GRIK2: variants seen among roughly 807,000 people sequenced by gnomAD.
The protein encoded by GRIK2 is glutamate ionotropic receptor kainate type subunit 2.
A neutral mutation model predicts 100.3 loss-of-function variants in GRIK2; 32 were observed. That is an observed-to-expected ratio of 0.32 (90% CI 0.24 to 0.43). The LOEUF (loss-of-function observed/expected upper bound fraction) is 0.43, where lower values mean the gene tolerates loss of function less well. Among genes scored for constraint, GRIK2 ranks in the 20% least tolerant of loss-of-function variants. The pLI, the probability that GRIK2 is intolerant of heterozygous loss-of-function variation, is 1.00. For missense variants in GRIK2, 843 were observed against 1,114.9 expected (o/e 0.76, Z 3.47); for synonymous variants, 417 against 389.4 (o/e 1.07, Z -0.83).
At chr6:101,701,693 T>G (rs1268553387) in intron 7 of GRIK2, among the ~76,000 whole-genome samples, 1 of 152,094 alleles carries the variant, frequency 6.6e-6, no homozygotes, top group Non-Finnish European at 1.5e-5. Context: ...TTATTTTAAC[T>G]AAAATTTGAA....
In GRIK2 at chr6:101,875,022, A is replaced by G. The variant is rs138359161; in HGVS notation, c.1525-14618A>G. 1.4e-3 allele frequency among the ~76,000 whole-genome samples: 217 copies of G among 152,284 alleles called. 1 individual carries two copies. Among genetic ancestry groups the G allele is most frequent in the African/African-American group, 5.0e-3 (207 of 41,576 alleles). On this transcript the variant is annotated intron_variant, in intron 11 of 16. Transcript: ENST00000369134. ...GCTGAGATGATGGGGTTTTCTAGAT[A>G]TACAATCATGTCACTGCAAACAGGG...
At chr6:101,923,865 G>A (rs1056536729) in intron 12 of GRIK2, among the ~76,000 whole-genome samples, 6 of 147,744 alleles carry the variant, frequency 4.1e-5, no homozygotes, top group African/African-American at 1.5e-4. Context: ...AGGTTGCAGT[G>A]AGCCGAGATT....
At chr6:101,875,334 G>T (rs982224927) in intron 11 of GRIK2, among the ~76,000 whole-genome samples, 1 of 151,772 alleles carries the variant, frequency 6.6e-6, no homozygotes, top group South Asian at 2.1e-4. Flanking sequence ...TATCTTGGGG[G>T]TATTTCTTTT....
rs951882102 is a variant in GRIK2 at position 101,752,103 on chromosome 6, T to C, written c.952-47545T>C. On this transcript the variant is annotated intron_variant, in intron 7 of 16. Transcript: ENST00000369134. The stretch of plus-strand genomic sequence containing the variant: ...CTTTATTTACCACTTTTCAAAATGA[T>C]AAATTGGTTCTTTATCATCTTACAA... Among the ~76,000 whole-genome samples, 5 of 152,224 alleles carry C rather than the reference T, an allele frequency of 3.3e-5. No homozygotes were observed. In the South Asian group the frequency reaches 6.2e-4, roughly 19 times the overall value.
At chr6:101,447,762 G>GA (rs955728098) in intron 2 of GRIK2, among the ~76,000 whole-genome samples, 8 of 151,718 alleles carry the variant, frequency 5.3e-5, no homozygotes, top group Non-Finnish European at 8.9e-5. Flanking sequence ...CATATTGTTA[G>GA]AAAATCCTTC....
intron 14 of GRIK2, among the ~76,000 whole-genome samples, chr6:101,953,973 AG>A (rs1425525882): frequency 2.0e-5 from 3 of 152,082 alleles, no homozygotes; most frequent in African/African-American, 7.2e-5. Context: ...CTTTGTATGT[AG>A]ATATCAAAGT....
chr6:102,035,035 G>A (rs931456699), intron 14 of GRIK2, among the ~76,000 whole-genome samples: 6 of 151,056 alleles, frequency 4.0e-5, no homozygotes, highest in Non-Finnish European at 7.4e-5. Context: ...TAAATCATTT[G>A]TTTTCTGTTG....
At chr6:101,847,190 CT>C (rs1783862920) in intron 10 of GRIK2, among the ~76,000 whole-genome samples, 1 of 151,910 alleles carries the variant, frequency 6.6e-6, no homozygotes, top group Non-Finnish European at 1.5e-5. Context: ...TTAATATGTT[CT>C]GCTTTTGTTT....
chr6:101,626,258 T>C (rs1780432937), intron 3 of GRIK2, 122 bp from the exon 4 acceptor site: 15 of 926,334 alleles, frequency 1.6e-5, no homozygotes, highest in Non-Finnish European at 2.4e-5. Context: ...TAGATATATA[T>C]TTTTTAAAAA....
At chr6:102,023,332 AAAGGG>A (rs1769527659) in intron 14 of GRIK2, among the ~76,000 whole-genome samples, 1 of 151,432 alleles carries the variant, frequency 6.6e-6, no homozygotes, top group African/African-American at 2.4e-5. Flanking sequence ...TTGTCAGTAA[AAAGGG>A]AGGGGTAAAA....
rs1455426267 is a variant in GRIK2, at chr6:101,399,184, G to C, written c.-94G>C. On this transcript the variant is annotated 5_prime_UTR_variant, in exon 2 of 17. Transcript: ENST00000369134. Reference sequence around the variant, plus strand: ...TGACCATGCCGTGATCGTGTCTGCGGTCACCACTCGACGCATCCTCATTTC... The same window carrying C: ...TGACCATGCCGTGATCGTGTCTGCGCTCACCACTCGACGCATCCTCATTTC... 1.3e-6 allele frequency: 1 copy of C among 745,016 alleles called. No individual in the cohort carries two copies. Among genetic ancestry groups the C allele is most frequent in the Non-Finnish European group, 2.5e-6 (1 of 402,022 alleles). The allele number at this position is 745,016 out of a possible 1,614,324, so 46.2% of individuals were successfully genotyped here. A position where few individuals can be genotyped will look rare whatever the true frequency, so the allele number is the denominator to read the frequency against.
chr6:101,902,496 C>A (rs1437245807), intron 12 of GRIK2, among the ~76,000 whole-genome samples: 2 of 151,866 alleles, frequency 1.3e-5, no homozygotes, highest in Non-Finnish European at 2.9e-5. Context: ...TCCTCTTGCT[C>A]ATTTAAATAA....
intron 4 of GRIK2, among the ~76,000 whole-genome samples, chr6:101,638,199 A>G (rs1781115302): frequency 6.7e-6 from 1 of 149,648 alleles, no homozygotes; most frequent in Admixed American, 6.8e-5. Context: ...TTATTACTTT[A>G]TTTACTCCAC....
At chr6:101,597,788 A>G (rs1157754871) in intron 2 of GRIK2, among the ~76,000 whole-genome samples, 1 of 151,616 alleles carries the variant, frequency 6.6e-6, no homozygotes, top group Non-Finnish European at 1.5e-5. Context: ...TTAGTAGAAG[A>G]GTTGTTAAAA....
At chr6:101,682,223 G>A (rs947146166) in intron 5 of GRIK2, among the ~76,000 whole-genome samples, 2 of 152,132 alleles carry the variant, frequency 1.3e-5, no homozygotes, top group African/African-American at 2.4e-5. Context: ...AGTATTTGTA[G>A]TGAAGACGTT....
chr6:101,399,220 C>T lies in GRIK2; in HGVS notation c.-58C>T. 4.7e-6 allele frequency: 4 copies of T among 847,430 alleles called. No homozygotes were observed. In the South Asian group the frequency reaches 5.3e-5, roughly 11 times the overall value. 52.5% of individuals were successfully genotyped at this position (847,430 alleles called of 1,614,324 possible). On this transcript the variant is annotated 5_prime_UTR_variant, in exon 2 of 17. Transcript: ENST00000369134. ...ACGCATCCTCATTTCTACCCGAACC[C>T]AGGAGCCGAACGCTAGATCGGGGAA...
At chr6:101,881,420 T>C (rs993535142) in intron 11 of GRIK2, among the ~76,000 whole-genome samples, 1 of 151,832 alleles carries the variant, frequency 6.6e-6, no homozygotes, top group Non-Finnish European at 1.5e-5. Context: ...CATTGTTTAG[T>C]GCAGCACTAT....
intron 7 of GRIK2, among the ~76,000 whole-genome samples, chr6:101,774,221 CA>C (rs1459858570): frequency 6.6e-6 from 1 of 152,004 alleles, no homozygotes; most frequent in Non-Finnish European, 1.5e-5. Flanking sequence ...AAAAAAATCA[CA>C]GTCTGTTAAC....
At chr6:101,524,844 A>G (rs1181897302) in intron 2 of GRIK2, among the ~76,000 whole-genome samples, 1 of 151,700 alleles carries the variant, frequency 6.6e-6, no homozygotes. Context: ...CGATTCTCCA[A>G]CCTCAGACTT....
Sources: gnomAD v4.1 joint callset for allele counts (sites outside exome capture counted in the v4.1 genomes callset) on GRCh38, gnomAD v4.1.1 for gene constraint, MANE v1.5 for transcripts, NCBI Gene and HGNC (gene_info 2026-07-23, HGNC 2026-07-21) for gene names.